SCAMP1: variants seen among roughly 807,000 people sequenced by gnomAD.
SCAMP1 encodes secretory carrier-associated membrane protein 1.
Under a neutral mutation model 41.8 loss-of-function variants are expected in SCAMP1, and 15 were observed. The ratio of observed to expected loss-of-function variants is 0.36; its 90% confidence interval spans 0.24 to 0.55. The LOEUF (loss-of-function observed/expected upper bound fraction) is 0.55, where lower values mean the gene tolerates loss of function less well. Ranked by LOEUF, SCAMP1 falls within the 20% of genes least tolerant of loss-of-function variation. The pLI is 0.86. For missense variants in SCAMP1, 341 were observed against 412.6 expected (o/e 0.83, Z 1.50); for synonymous variants, 135 against 136.8 (o/e 0.99, Z 0.09).
At position 78,455,382 on chromosome 5, in the gene SCAMP1, T is replaced by G. The variant is rs897870101; in HGVS notation, c.735-3863T>G. On this transcript the variant is annotated intron_variant, in intron 7 of 8. Transcript: ENST00000621999. ...GCATCCCAGAGATTCTGGTATGCTG[T>G]GTCTTTGTTCTCATTGGTTTCAAAG... Among the ~76,000 whole-genome samples the G allele has an allele frequency of 4.4e-4, 56 of 127,048 alleles. 1 individual carries two copies. Among genetic ancestry groups the G allele is most frequent in the African/African-American group, 1.6e-3 (50 of 31,502 alleles). The allele number at this position is 127,048 out of a possible 152,430, so 83.3% of individuals were successfully genotyped here.
intron 8 of SCAMP1, among the ~76,000 whole-genome samples, chr5:78,469,913 C>CAAAAAAAAAAAAAAAAAAA (rs1561290939): frequency 1.1e-3 from 26 of 23,194 alleles, no homozygotes; most frequent in African/African-American, 1.6e-3. Context: ...AAAAAAAAAA[C>CAAAAAAAAAAAAAAAAAAA]AAAAAAAAAA....
intron 6 of SCAMP1, among the ~76,000 whole-genome samples, chr5:78,426,145 A>G (rs975279908): frequency 2.4e-4 from 37 of 152,168 alleles, no homozygotes; most frequent in Non-Finnish European, 4.6e-4. Flanking sequence ...TTATGGCTAC[A>G]TAGTATTCCA....
At chr5:78,390,661 T>A (rs954094741) in intron 2 of SCAMP1, among the ~76,000 whole-genome samples, 1 of 151,520 alleles carries the variant, frequency 6.6e-6, no homozygotes, top group African/African-American at 2.4e-5. Flanking sequence ...TTTTTTCTTT[T>A]TTTTTTTTTT....
At chr5:78,472,564 G>T (rs1361302733) in intron 8 of SCAMP1, among the ~76,000 whole-genome samples, 2 of 151,788 alleles carry the variant, frequency 1.3e-5, no homozygotes, top group Non-Finnish European at 2.9e-5. Context: ...TCTTTCATGG[G>T]GCCCTGAAAT....
At chr5:78,473,078 T>G (rs1442043199) in intron 8 of SCAMP1, among the ~76,000 whole-genome samples, 1 of 152,186 alleles carries the variant, frequency 6.6e-6, no homozygotes, top group Non-Finnish European at 1.5e-5. Context: ...CATAGAAAAC[T>G]TGGTTTTAAA....
intron 8 of SCAMP1, among the ~76,000 whole-genome samples, chr5:78,469,938 A>T (rs1216591862): frequency 1.2e-5 from 1 of 84,198 alleles, no homozygotes; most frequent in African/African-American, 4.8e-5. Context: ...AAAAACAACA[A>T]CACAGCCCAG....
At chr5:78,459,139 T>A in intron 7 of SCAMP1, 106 bp from the exon 8 acceptor site, 2 of 683,864 alleles carry the variant, frequency 2.9e-6, no homozygotes, top group Non-Finnish European at 2.7e-6. Context: ...CATAAAGAAC[T>A]TGAATATTGC....
intron 7 of SCAMP1, among the ~76,000 whole-genome samples, chr5:78,456,441 T>A (rs1040469745): frequency 2.0e-5 from 3 of 152,144 alleles, no homozygotes; most frequent in Admixed American, 2.0e-4. Flanking sequence ...CCTTCACTTA[T>A]GAAGTTTAGT....
intron 8 of SCAMP1, among the ~76,000 whole-genome samples, chr5:78,460,820 C>T (rs62364310): frequency 0.4 from 11,020 of 27,470 alleles, 3,134 homozygotes; most frequent in East Asian, 0.81. Flanking sequence ...TTCCTTCCTT[C>T]CTTTCTTGTC....
At chr5:78,446,571 T>C (rs1022190188) in intron 6 of SCAMP1, among the ~76,000 whole-genome samples, 6 of 152,190 alleles carry the variant, frequency 3.9e-5, no homozygotes, top group African/African-American at 1.4e-4. Context: ...AAATATACTT[T>C]AGAAGTGTCT....
chr5:78,387,070 C>T (rs1033827243), intron 1 of SCAMP1, among the ~76,000 whole-genome samples: 2 of 152,172 alleles, frequency 1.3e-5, no homozygotes, highest in African/African-American at 4.8e-5. Flanking sequence ...TTAGATTTCT[C>T]TTCTTCCTCG....
At chr5:78,381,217 T>G (rs1751198530) in intron 1 of SCAMP1, among the ~76,000 whole-genome samples, 1 of 152,178 alleles carries the variant, frequency 6.6e-6, no homozygotes, top group Admixed American at 6.6e-5. Flanking sequence ...GTGGAGAGAC[T>G]TGGGTAGAGG....
chr5:78,454,527 T>C (rs1301320698), intron 7 of SCAMP1, among the ~76,000 whole-genome samples: 6 of 151,942 alleles, frequency 3.9e-5, no homozygotes, highest in Non-Finnish European at 7.4e-5. Flanking sequence ...ATCCCAGGGA[T>C]GAAGCCCACT....
At chr5:78,367,999 T>C (rs1018548272) in intron 1 of SCAMP1, among the ~76,000 whole-genome samples, 2 of 152,188 alleles carry the variant, frequency 1.3e-5, no homozygotes, top group Non-Finnish European at 2.9e-5. Context: ...GGCAGCTGAG[T>C]AGCATTTTTG....
chr5:78,402,961 C>T (rs977340892), intron 2 of SCAMP1, among the ~76,000 whole-genome samples: 7 of 152,086 alleles, frequency 4.6e-5, no homozygotes, highest in African/African-American at 1.7e-4. Context: ...TCACTGCAAC[C>T]TCCGCCTTCC....
chr5:78,376,191 C>T (rs572493539), intron 1 of SCAMP1, among the ~76,000 whole-genome samples: 5 of 152,174 alleles, frequency 3.3e-5, no homozygotes, highest in Admixed American at 6.5e-5. Context: ...TATTTCTAGC[C>T]GGCCGACACT....
chr5:78,403,990 G>GGCATGCCT (rs2112114901), intron 2 of SCAMP1, among the ~76,000 whole-genome samples: 1 of 146,390 alleles, frequency 6.8e-6, no homozygotes, highest in Admixed American at 7.0e-5. Flanking sequence ...AGGGATGGTG[G>GGCATGCCT]GCATGCCTGT....
At chr5:78,456,306 T>G (rs1753398637) in intron 7 of SCAMP1, among the ~76,000 whole-genome samples, 1 of 151,816 alleles carries the variant, frequency 6.6e-6, no homozygotes, top group African/African-American at 2.4e-5. Flanking sequence ...TTGGCATGAT[T>G]TTGCAGCGGC....
intron 6 of SCAMP1, among the ~76,000 whole-genome samples, chr5:78,430,144 AT>A (rs1348822870): frequency 2.0e-4 from 9 of 44,022 alleles, no homozygotes; most frequent in Non-Finnish European, 3.9e-4. Flanking sequence ...TAAATACAGT[AT>A]TTATTTATAA....
Sources: allele counts gnomAD v4.1 joint callset (sites outside exome capture counted in the v4.1 genomes callset), GRCh38; gene constraint gnomAD v4.1.1; transcripts MANE v1.5; gene names NCBI Gene and HGNC (gene_info 2026-07-23, HGNC 2026-07-21).